CEP57L1: variants seen among roughly 807,000 people sequenced by gnomAD.
The protein encoded by CEP57L1 is centrosomal protein 57 like 1, also known as centrosomal protein CEP57L1.
In CEP57L1, 37 loss-of-function variants were observed where a neutral mutation model predicts 61.0. The observed-to-expected ratio is 0.61, with a 90% CI of 0.47 to 0.80. CEP57L1 has a LOEUF of 0.80. Among genes scored for constraint, CEP57L1 ranks in the 30% least tolerant of loss-of-function variants. CEP57L1 has a pLI of 0.00. For missense variants in CEP57L1, 422 were observed against 524.7 expected, an observed-to-expected ratio of 0.80 and a Z score of 1.91; for synonymous variants, 137 against 162.3, an observed-to-expected ratio of 0.84 and a Z score of 1.19.
intron 1 of CEP57L1, among the ~76,000 whole-genome samples, chr6:109,106,638 A>G (rs949164216): frequency 6.6e-6 from 1 of 152,148 alleles, no homozygotes; most frequent in Admixed American, 6.5e-5. Context: ...TTTTAAAATT[A>G]ATGTTCAAGA....
intron 1 of CEP57L1, among the ~76,000 whole-genome samples, chr6:109,128,232 A>G (rs1176722679): frequency 6.6e-6 from 1 of 152,092 alleles, no homozygotes; most frequent in Non-Finnish European, 1.5e-5. Flanking sequence ...AGAATTCATT[A>G]TTTCCCTAAG....
intron 1 of CEP57L1, 72 bp from the exon 2 acceptor site, chr6:109,145,147 G>A (rs1386403207): frequency 2.1e-6 from 2 of 951,488 alleles, no homozygotes; most frequent in Non-Finnish European, 3.0e-6. Flanking sequence ...AGTTTCACCT[G>A]AATTTTTGTA....
At chr6:109,102,025 G>C (rs1376068691) in intron 1 of CEP57L1, among the ~76,000 whole-genome samples, 3 of 152,082 alleles carry the variant, frequency 2.0e-5, no homozygotes, top group Non-Finnish European at 4.4e-5. Context: ...TCAGTGTTTT[G>C]GACTTTAGCT....
intron 1 of CEP57L1, among the ~76,000 whole-genome samples, chr6:109,123,186 T>G (rs1773174860): frequency 6.6e-6 from 1 of 152,192 alleles, no homozygotes; most frequent in Admixed American, 6.5e-5. Flanking sequence ...CTATGTATAT[T>G]GATGACTTCC....
chr6:109,147,764 G>A (rs1772127126), intron 3 of CEP57L1, among the ~76,000 whole-genome samples: 2 of 152,212 alleles, frequency 1.3e-5, no homozygotes, highest in South Asian at 4.1e-4. Flanking sequence ...TCCTGAAAGA[G>A]AAGAAATATA....
chr6:109,102,551 A>G (rs1050397103), intron 1 of CEP57L1, among the ~76,000 whole-genome samples: 1 of 152,216 alleles, frequency 6.6e-6, no homozygotes, highest in African/African-American at 2.4e-5. Flanking sequence ...GTTGTAGCTA[A>G]AAAGTCATTG....
At position 109,169,101 on chromosome 6, in the gene CEP57L1, C is replaced by T. The variant is rs1774283751; in HGVS notation, c.*6131C>T. On this transcript the variant is annotated 3_prime_UTR_variant, in exon 11 of 11. Coordinates refer to ENST00000517392, the MANE Select transcript of CEP57L1 (RefSeq NM_001271852.3). ...ATTAGCCGGGCATGGTGGTATGTGC[C>T]TGTAATCCCGGGTACTCGGGAGGCT... 6.6e-6 allele frequency among the ~76,000 whole-genome samples: 1 copy of T among 151,382 alleles called. No individual in the cohort carries two copies. The highest frequency in any genetic ancestry group is 2.4e-5 in the African/African-American group (1 of 41,302).
At chr6:109,155,935 C>G (rs904170182) in intron 7 of CEP57L1, 58 bp downstream of exon 7, 1 of 776,036 alleles carries the variant, frequency 1.3e-6, no homozygotes, top group Admixed American at 2.6e-5. Flanking sequence ...TTTATATAAC[C>G]TCTTAATCCT....
chr6:109,116,127 G>GTGTTATGTTATGTTATGTTA (rs34528428), intron 1 of CEP57L1, among the ~76,000 whole-genome samples: 2 of 135,372 alleles, frequency 1.5e-5, no homozygotes, highest in Non-Finnish European at 3.1e-5. Context: ...GTTATGTGTT[G>GTGTTATGTTATGTTATGTTA]TGTTATGTTA....
chr6:109,134,902 C>T (rs964935493), intron 1 of CEP57L1, among the ~76,000 whole-genome samples: 4 of 151,984 alleles, frequency 2.6e-5, no homozygotes, highest in African/African-American at 4.8e-5. Flanking sequence ...CACTGCTTAA[C>T]GGAATTAAAG....
chr6:109,131,501 C>T (rs1466896395), intron 1 of CEP57L1, among the ~76,000 whole-genome samples: 1 of 151,828 alleles, frequency 6.6e-6, no homozygotes, highest in African/African-American at 2.4e-5. Context: ...AACTCCTTTT[C>T]CTTTTTTGAA....
At chr6:109,144,760 C>T (rs1771775045) in intron 1 of CEP57L1, among the ~76,000 whole-genome samples, 1 of 151,850 alleles carries the variant, frequency 6.6e-6, no homozygotes, top group African/African-American at 2.4e-5. Context: ...CTTGAAAATC[C>T]CTTAGGAAGC....
intron 2 of CEP57L1, among the ~76,000 whole-genome samples, chr6:109,146,035 C>T (rs1771926178): frequency 6.6e-6 from 1 of 151,778 alleles, no homozygotes; most frequent in South Asian, 2.1e-4. Flanking sequence ...AATGTGCCAG[C>T]TACAGATATC....
chr6:109,122,738 C>T (rs538405528), intron 1 of CEP57L1, among the ~76,000 whole-genome samples: 5 of 152,068 alleles, frequency 3.3e-5, no homozygotes, highest in Admixed American at 2.0e-4. Flanking sequence ...ACCCGGGAGG[C>T]GTAGGTTGCA....
chr6:109,135,864 G>T (rs1256592241), intron 1 of CEP57L1, among the ~76,000 whole-genome samples: 1 of 152,196 alleles, frequency 6.6e-6, no homozygotes, highest in African/African-American at 2.4e-5. Context: ...ACCACAGTGA[G>T]ATAGCATCTC....
intron 1 of CEP57L1, among the ~76,000 whole-genome samples, chr6:109,132,394 C>A (rs1211298860): frequency 2.0e-5 from 3 of 152,166 alleles, no homozygotes; most frequent in Non-Finnish European, 4.4e-5. Context: ...CAGTAACTTG[C>A]ATTTTTCACC....
At chr6:109,145,595 A>G (rs1436099995) in intron 2 of CEP57L1, among the ~76,000 whole-genome samples, 1 of 151,966 alleles carries the variant, frequency 6.6e-6, no homozygotes, top group East Asian at 1.9e-4. Context: ...AACCAGCTGG[A>G]CACATATCAC....
chr6:109,104,923 G>GGGTGTAAAAT (rs1770751615), intron 1 of CEP57L1, among the ~76,000 whole-genome samples: 1 of 152,024 alleles, frequency 6.6e-6, no homozygotes, highest in African/African-American at 2.4e-5. Flanking sequence ...TCAATCTAAT[G>GGGTGTAAAAT]GGTGTAAAAT....
rs78644484 is a variant in CEP57L1 at position 109,106,319 on chromosome 6, C to T, written c.-4+10744C>T. On this transcript the variant is annotated intron_variant, in intron 1 of 10. Transcript: ENST00000517392. ...TCTATATAGAAAATCATATTTCCTA[C>T]AGATAACAATTTTTATACTCTTATA... Among the ~76,000 whole-genome samples, 1,255 of 152,222 alleles carry T rather than the reference C, an allele frequency of 8.2e-3. 24 individuals are homozygous for T. Among genetic ancestry groups the T allele is most frequent in the African/African-American group, 0.029 (1,207 of 41,520 alleles).
Sources: gnomAD v4.1 joint callset for allele counts (sites outside exome capture counted in the v4.1 genomes callset) on GRCh38, gnomAD v4.1.1 for gene constraint, MANE v1.5 for transcripts, NCBI Gene and HGNC (gene_info 2026-07-23, HGNC 2026-07-21) for gene names.